C2CD2: variants seen among roughly 807,000 people sequenced by gnomAD.
C2CD2 encodes the protein C2 calcium dependent domain containing 2, also known as C2 domain-containing protein 2.
A neutral mutation model predicts 74.3 loss-of-function variants in C2CD2; 43 were observed. That is an observed-to-expected ratio of 0.58 (90% CI 0.45 to 0.75). C2CD2 has a LOEUF of 0.75. Ranked by LOEUF, C2CD2 falls within the 30% of genes least tolerant of loss-of-function variation. The pLI is 0.00. For synonymous variants in C2CD2, 422 were observed against 390.7 expected, an observed-to-expected ratio of 1.08 and a Z score of -0.94; for missense variants, 801 against 916.3, an observed-to-expected ratio of 0.87 and a Z score of 1.63.
chr21:41,931,843 C>T (rs1426712397), intron 2 of C2CD2, among the ~76,000 whole-genome samples: 1 of 146,874 alleles, frequency 6.8e-6, no homozygotes, highest in East Asian at 2.0e-4. Flanking sequence ...CCACCTCCAA[C>T]ATCCCACCAC....
At chr21:41,897,479 G>A (rs1006086654) in intron 13 of C2CD2, among the ~76,000 whole-genome samples, 1 of 152,096 alleles carries the variant, frequency 6.6e-6, no homozygotes, top group Non-Finnish European at 1.5e-5. Flanking sequence ...CCAAGCCAAG[G>A]CCTCTTAACA....
rs1377027174 is a variant in C2CD2 at position 41,953,768 on chromosome 21, G to A, written c.-120C>T. 8.2e-6 allele frequency: 8 copies of A among 977,484 alleles called. No homozygotes were observed. The African/African-American group carries it at 1.0e-4, about 12-fold the overall frequency. The allele number at this position is 977,484 out of a possible 1,614,324, so 60.6% of individuals were successfully genotyped here. On this transcript the variant is annotated 5_prime_UTR_variant, in exon 1 of 14. Coordinates refer to ENST00000380486, the MANE Select transcript of C2CD2 (RefSeq NM_015500.2). Reference sequence around the variant, plus strand: ...TGGGGGCGTGGAGGGGGCGCGGCGGGGTCGGAGCCCGGCGAGGAGCGTGGC... The same window carrying A: ...TGGGGGCGTGGAGGGGGCGCGGCGGAGTCGGAGCCCGGCGAGGAGCGTGGC...
chr21:41,931,383 T>C (rs1211163644), intron 2 of C2CD2, among the ~76,000 whole-genome samples: 1 of 150,070 alleles, frequency 6.7e-6, no homozygotes, highest in East Asian at 1.9e-4. Context: ...CTGAAAACCC[T>C]TGGAATCTCC....
intron 1 of C2CD2, among the ~76,000 whole-genome samples, chr21:41,951,006 T>C (rs551500305): frequency 6.6e-6 from 1 of 152,112 alleles, no homozygotes; most frequent in East Asian, 1.9e-4. Flanking sequence ...AGAGCGGGCT[T>C]GGAGTGTCAG....
At chr21:41,943,274 G>C (rs1445126259) in intron 1 of C2CD2, among the ~76,000 whole-genome samples, 2 of 152,080 alleles carry the variant, frequency 1.3e-5, no homozygotes, top group African/African-American at 4.8e-5. Flanking sequence ...CTGGGCGACA[G>C]AGTAAGGCCC....
At chr21:41,889,946 T>C (rs982085156) in intron 13 of C2CD2, among the ~76,000 whole-genome samples, 3 of 152,188 alleles carry the variant, frequency 2.0e-5, no homozygotes, top group Admixed American at 6.5e-5. Flanking sequence ...ACCTGGCTTA[T>C]ATCCCTGATT....
intron 13 of C2CD2, among the ~76,000 whole-genome samples, chr21:41,893,288 G>A (rs1053634621): frequency 2.6e-5 from 4 of 152,140 alleles, no homozygotes; most frequent in Admixed American, 2.6e-4. Context: ...TTTTGCTTGA[G>A]CACAAGAATT....
chr21:41,947,757 T>C (rs542215240), intron 1 of C2CD2, among the ~76,000 whole-genome samples: 4 of 152,342 alleles, frequency 2.6e-5, no homozygotes, highest in South Asian at 4.1e-4. Flanking sequence ...TTTTGTTTTC[T>C]GGATTGAATC....
intron 2 of C2CD2, among the ~76,000 whole-genome samples, chr21:41,928,544 CAAAAAAAAAAAAAA>C (rs59346777): frequency 4.2e-5 from 3 of 72,266 alleles, no homozygotes; most frequent in African/African-American, 5.3e-5. Flanking sequence ...TAAAGCAAAG[CAAAAAAAAAAAAAA>C]AAAAAAAAAA....
chr21:41,952,766 C>T (rs368289165), intron 1 of C2CD2, among the ~76,000 whole-genome samples: 1 of 152,320 alleles, frequency 6.6e-6, no homozygotes, highest in African/African-American at 2.4e-5. Context: ...TTGCCCTCTC[C>T]GGGCCTTGGT....
chr21:41,905,584 C>T (rs989559791), intron 11 of C2CD2, 140 bp downstream of exon 11: 5 of 567,836 alleles, frequency 8.8e-6, no homozygotes, highest in African/African-American at 1.9e-5. Flanking sequence ...TCCCAAAGTG[C>T]TGAGATTACG....
At chr21:41,934,420 C>T (rs1048448867) in intron 2 of C2CD2, among the ~76,000 whole-genome samples, 8 of 152,098 alleles carry the variant, frequency 5.3e-5, no homozygotes, top group African/African-American at 1.9e-4. Flanking sequence ...CAGAGTGAAA[C>T]CCTGTCTCAA....
rs963685966 is a variant in C2CD2 at position 41,899,768 on chromosome 21, C to T, written c.1561-406G>A. Among the ~76,000 whole-genome samples the T allele has an allele frequency of 6.6e-6, 1 of 152,140 alleles. No homozygotes were observed. The highest frequency in any genetic ancestry group is 2.4e-5 in the African/African-American group (1 of 41,422). ...GGGTTTAGCTGTCTTTGTTCCTACA[C>T]GTTTATGTTACCTGCAAGTGGAAAT... On this transcript the variant is annotated intron_variant, in intron 12 of 13. Transcript: ENST00000380486. This position sits in a 1 kb window ranked among gnomAD's most constrained non-coding sequence, Gnocchi z 4.4.
Position 41,899,456 on chromosome 21 carries a change from G to A in C2CD2, c.1561-94C>T. On this transcript the variant is annotated intron_variant, in intron 12 of 13. Coordinates refer to ENST00000380486, the MANE Select transcript of C2CD2 (RefSeq NM_015500.2). This position sits in a 1 kb window ranked among gnomAD's most constrained non-coding sequence, Gnocchi z 4.4. The stretch of plus-strand genomic sequence containing the variant: ...AAGCACTCTCCAAAACATTCTGACA[G>A]CTGATTTCAAAGTCTCAGAAGATGC... The A allele has an allele frequency of 8.3e-7, 1 of 1,198,052 alleles. No homozygotes were observed. The highest frequency in any genetic ancestry group is 1.4e-5 in the South Asian group (1 of 69,386). The allele number at this position is 1,198,052 out of a possible 1,614,324, so 74.2% of individuals were successfully genotyped here.
chr21:41,926,539 G>T lies in C2CD2; in HGVS notation c.379-4454C>A. 1 of 756,200 alleles carries T rather than the reference G, an allele frequency of 1.3e-6. No homozygotes were observed. Among genetic ancestry groups the T allele is most frequent in the Non-Finnish European group, 1.6e-6 (1 of 620,616 alleles). The allele number at this position is 756,200 out of a possible 1,614,324, so 46.8% of individuals were successfully genotyped here. A position where few individuals can be genotyped will look rare whatever the true frequency, so the allele number is the denominator to read the frequency against. ...ATTCACCTTCTCGGTGCTCTCTCCA[G>T]CCTCAACACCTTGACCTCATGTAGT... On this transcript the variant is annotated intron_variant, in intron 2 of 13. Coordinates refer to ENST00000380486, the MANE Select transcript of C2CD2 (RefSeq NM_015500.2). The surrounding 1 kb of genome is among the most constrained non-coding windows in gnomAD (Gnocchi z 8.0).
At chr21:41,911,456 A>C (rs1162983048) in intron 7 of C2CD2, among the ~76,000 whole-genome samples, 1 of 149,160 alleles carries the variant, frequency 6.7e-6, no homozygotes. Flanking sequence ...CAGTGGTACA[A>C]TCTCAGCTCA....
chr21:41,918,957 C>T lies in C2CD2; in HGVS notation c.496G>A (p.Glu166Lys), dbSNP rs769766287. The T allele has an allele frequency of 6.2e-7, 1 of 1,612,670 alleles. No individual in the cohort carries two copies. The highest frequency in any genetic ancestry group is 2.2e-5 in the East Asian group (1 of 44,876). Residue 166 changes from glutamate (E) to lysine (K), a missense_variant, in exon 4 of 14, where the codon GAG (glutamate) becomes AAG (lysine). By Grantham distance (56) the Glu-to-Lys change is moderately conservative. Coordinates refer to ENST00000380486, the MANE Select transcript of C2CD2 (RefSeq NM_015500.2). ...MRLSPFHLQL[E>K]FHMKEKREDL... ...TCTCTCTTCTCCTTCATGTGGAACT[C>T]CAGCTATTAAAAAACAAGTTATTAG...
chr21:41,893,572 C>A (rs986154211), intron 13 of C2CD2, among the ~76,000 whole-genome samples: 2 of 142,204 alleles, frequency 1.4e-5, no homozygotes, highest in Admixed American at 6.9e-5. Context: ...CAGTGGCAGA[C>A]CTCTGCCCCA....
rs912437336 is a variant in C2CD2, at chr21:41,923,069, C to T, written c.379-984G>A. On this transcript the variant is annotated intron_variant, in intron 2 of 13. Coordinates refer to ENST00000380486, the MANE Select transcript of C2CD2 (RefSeq NM_015500.2). This position sits in a 1 kb window ranked among gnomAD's most constrained non-coding sequence, Gnocchi z 5.8. ...GGAGTGCAGTGGCACAATCTTAGCT[C>T]ACTGCAACCTCCGCCTCCCGGGTTC... Among the ~76,000 whole-genome samples, 2 of 151,502 alleles carry T rather than the reference C, an allele frequency of 1.3e-5. No individual in the cohort carries two copies.
Sources: gnomAD v4.1 joint callset for allele counts (sites outside exome capture counted in the v4.1 genomes callset) on GRCh38, gnomAD v4.1.1 for gene constraint, Gnocchi (gnomAD v3.1) non-coding constraint, MANE v1.5 for transcripts, NCBI Gene and HGNC (gene_info 2026-07-23, HGNC 2026-07-21) for gene names.